ENTPD1: variants seen among roughly 807,000 people sequenced by gnomAD.
ENTPD1 encodes ectonucleoside triphosphate diphosphohydrolase 1.
A neutral mutation model predicts 57.0 loss-of-function variants in ENTPD1; 33 were observed. The observed-to-expected ratio is 0.58, with a 90% confidence interval of 0.44 to 0.77. ENTPD1 has a LOEUF of 0.77. Among genes scored for constraint, ENTPD1 ranks in the 30% least tolerant of loss-of-function variants. The probability of loss-of-function intolerance (pLI) is 0.00; values close to 1 mark genes in which losing one functional copy is unlikely to be tolerated. For synonymous variants in ENTPD1, 202 were observed against 218.8 expected (o/e 0.92, Z 0.68); for missense variants, 501 against 603.4 (o/e 0.83, Z 1.78).
At chr10:95,736,057 G>A (rs1257325165) in intron 1 of ENTPD1, among the ~76,000 whole-genome samples, 1 of 143,916 alleles carries the variant, frequency 6.9e-6, no homozygotes, top group Non-Finnish European at 1.5e-5. Flanking sequence ...TGGGAGTGCA[G>A]TGGCATGACC....
At chr10:95,752,762 C>T (rs757201174), upstream of ENTPD1, among the ~76,000 whole-genome samples, 2 of 152,098 alleles carry the variant, frequency 1.3e-5, no homozygotes, top group Non-Finnish European at 1.5e-5. Flanking sequence ...AAACTCCAGG[C>T]CTCCAGACAA....
At chr10:95,856,808 T>G (rs1207964255) in intron 7 of ENTPD1, among the ~76,000 whole-genome samples, 1 of 150,484 alleles carries the variant, frequency 6.6e-6, no homozygotes, top group Non-Finnish European at 1.5e-5. Flanking sequence ...TTGTCTAGTA[T>G]CATCATATTT....
intron 1 of ENTPD1, among the ~76,000 whole-genome samples, chr10:95,714,941 C>T (rs1315490198): frequency 6.6e-6 from 1 of 152,096 alleles, no homozygotes; most frequent in Admixed American, 6.6e-5. Flanking sequence ...TTCAGTAAGC[C>T]TTGGAATTGT....
At chr10:95,836,220 A>G (rs1403462468) in intron 2 of ENTPD1, among the ~76,000 whole-genome samples, 2 of 152,098 alleles carry the variant, frequency 1.3e-5, no homozygotes, top group Non-Finnish European at 2.9e-5. Context: ...TGTTTTAGTT[A>G]TCATAGCTTT....
chr10:95,728,778 T>C (rs539719667), intron 1 of ENTPD1, among the ~76,000 whole-genome samples: 32 of 152,324 alleles, frequency 2.1e-4, no homozygotes, highest in African/African-American at 7.5e-4. Context: ...ATGAAATCAT[T>C]ACAATAGTAC....
intron 2 of ENTPD1, among the ~76,000 whole-genome samples, chr10:95,836,527 G>A (rs554977476): frequency 6.6e-6 from 1 of 152,086 alleles, no homozygotes; most frequent in Non-Finnish European, 1.5e-5. Flanking sequence ...ATGATCCCGA[G>A]GGAGTGTCAG....
At chr10:95,865,819 G>A (rs2098473300) in intron 9 of ENTPD1, among the ~76,000 whole-genome samples, 1 of 152,126 alleles carries the variant, frequency 6.6e-6, no homozygotes, top group African/African-American at 2.4e-5. Context: ...CCAGGCTGGA[G>A]TGCAGTGGTA....
chr10:95,737,935 A>G (rs1042160585), intron 1 of ENTPD1, among the ~76,000 whole-genome samples: 1 of 152,212 alleles, frequency 6.6e-6, no homozygotes, highest in East Asian at 1.9e-4. Context: ...TTGTAAACGT[A>G]TCATGCTGGG....
chr10:95,742,033 T>C (rs746119125), intron 1 of ENTPD1, among the ~76,000 whole-genome samples: 5 of 152,254 alleles, frequency 3.3e-5, no homozygotes, highest in Middle Eastern at 3.4e-3. Flanking sequence ...TAGACTGTTC[T>C]GGTATTGTGG....
chr10:95,764,718 A>ATTTTT (rs34082135), intron 1 of ENTPD1, among the ~76,000 whole-genome samples: 2 of 103,548 alleles, frequency 1.9e-5, no homozygotes, highest in Non-Finnish European at 1.8e-5. Flanking sequence ...TCCTTTGCCC[A>ATTTTT]TTTTTTTTTT....
intron 1 of ENTPD1, among the ~76,000 whole-genome samples, chr10:95,809,128 C>T (rs1363399418): frequency 6.6e-6 from 1 of 152,196 alleles, no homozygotes; most frequent in Non-Finnish European, 1.5e-5. Context: ...CTTCTTTCTA[C>T]ACAGACACAG....
chr10:95,734,602 T>C (rs1015846930), intron 1 of ENTPD1, among the ~76,000 whole-genome samples: 3 of 152,230 alleles, frequency 2.0e-5, no homozygotes, highest in African/African-American at 7.2e-5. Flanking sequence ...CTTGGATTCT[T>C]TTCTTGCTTG....
chr10:95,708,457 C>T (rs549337817), upstream of ENTPD1, among the ~76,000 whole-genome samples: 1 of 152,324 alleles, frequency 6.6e-6, no homozygotes, highest in East Asian at 1.9e-4. Context: ...TGTGATCCGC[C>T]TGCCTCAGCC....
chr10:95,703,642 C>G, the ENTPD1 span, among the ~76,000 whole-genome samples: 1 of 151,938 alleles, frequency 6.6e-6, no homozygotes, highest in South Asian at 2.1e-4. Flanking sequence ...ATTAGCCAGG[C>G]GTGGTGGCAG....
intron 1 of ENTPD1, among the ~76,000 whole-genome samples, chr10:95,793,660 C>G (rs75251069): frequency 0.037 from 5,674 of 152,184 alleles, 129 homozygotes; most frequent in Non-Finnish European, 0.049. Flanking sequence ...TGGGGTCAAG[C>G]AGTTGTAATA....
At chr10:95,863,536 CTG>C (rs2098468946) in intron 8 of ENTPD1, among the ~76,000 whole-genome samples, 1 of 152,180 alleles carries the variant, frequency 6.6e-6, no homozygotes, top group South Asian at 2.1e-4. Context: ...ATTTCCAGAA[CTG>C]TGCTGAAAAG....
intron 7 of ENTPD1, among the ~76,000 whole-genome samples, chr10:95,855,788 G>A (rs1304347159): frequency 6.6e-6 from 1 of 152,226 alleles, no homozygotes; most frequent in African/African-American, 2.4e-5. Flanking sequence ...GGCTTATAGA[G>A]TTTCTGCCAA....
chr10:95,736,872 C>T (rs1055574612), intron 1 of ENTPD1, among the ~76,000 whole-genome samples: 1 of 152,158 alleles, frequency 6.6e-6, no homozygotes, highest in African/African-American at 2.4e-5. Context: ...GTCAATTACT[C>T]CCAGTAGTTT....
intron 1 of ENTPD1, among the ~76,000 whole-genome samples, chr10:95,745,064 T>C (rs1231234826): frequency 6.6e-6 from 1 of 152,218 alleles, no homozygotes. Flanking sequence ...AGATAATGAG[T>C]ACTTTGTTTG....
Sources: allele counts gnomAD v4.1 joint callset (sites outside exome capture counted in the v4.1 genomes callset), GRCh38; gene constraint gnomAD v4.1.1; transcripts MANE v1.5; gene names NCBI Gene and HGNC (gene_info 2026-07-23, HGNC 2026-07-21).